Variants in PILRA observed in about 807,000 individuals in gnomAD.
PILRA encodes the protein paired immunoglobin like type 2 receptor alpha, also known as paired immunoglobulin-like type 2 receptor alpha.
In PILRA, 37 loss-of-function variants were observed where a neutral mutation model predicts 33.1. The observed-to-expected ratio is 1.12, with a 90% CI of 0.86 to 1.47. The LOEUF (loss-of-function observed/expected upper bound fraction) is 1.47, where lower values mean the gene tolerates loss of function less well. PILRA is among the 40% of genes most tolerant of loss of function. PILRA has a pLI of 0.00. For synonymous variants in PILRA, 146 were observed against 149.9 expected (o/e 0.97, Z 0.19); for missense variants, 312 against 376.2 (o/e 0.83, Z 1.41).
At chr7:100,394,703 AGACTT>A (rs2130233849) in intron 3 of PILRA, among the ~76,000 whole-genome samples, 1 of 152,292 alleles carries the variant, frequency 6.6e-6, no homozygotes, top group South Asian at 2.1e-4. Context: ...TATGGTCAAA[AGACTT>A]GACAAGGGTG....
Position 100,373,739 on chromosome 7 carries a change from C to G in PILRA, c.64+19C>G. The G allele has an allele frequency of 6.2e-7, 1 of 1,612,562 alleles. No individual in the cohort carries two copies. Among genetic ancestry groups the G allele is most frequent in the Non-Finnish European group, 8.5e-7 (1 of 1,179,868 alleles). ...CAGCCTAGTGAGTACCCAGGACCAC[C>G]CAGATGTGGGCTCTGCCCAAACCAC... On this transcript the variant is annotated intron_variant, in intron 1 of 6. Coordinates refer to ENST00000198536, the MANE Select transcript of PILRA (RefSeq NM_013439.3).
At chr7:100,379,930 G>T (rs1427858828) in intron 2 of PILRA, among the ~76,000 whole-genome samples, 1 of 152,126 alleles carries the variant, frequency 6.6e-6, no homozygotes. Context: ...CCAGATGAAT[G>T]GCAATTTATA....
At chr7:100,383,464 A>G (rs1563118476) in intron 2 of PILRA, among the ~76,000 whole-genome samples, 1 of 152,182 alleles carries the variant, frequency 6.6e-6, no homozygotes, top group Admixed American at 6.5e-5. Context: ...AGAATGTTCC[A>G]GTCACATGGG....
chr7:100,399,870 C>G lies in PILRA; in HGVS notation c.875C>G (p.Pro292Arg). 1 of 1,613,370 alleles carries G rather than the reference C, an allele frequency of 6.2e-7. No homozygotes were observed. Among genetic ancestry groups the G allele is most frequent in the Non-Finnish European group, 8.5e-7 (1 of 1,179,640 alleles). Reference protein sequence around the residue: ...APPSHRPLKSPQNETLYSVLK... With the variant: ...APPSHRPLKSRQNETLYSVLK... Reference sequence around the variant, plus strand: ...CCCAGCCACCGTCCCCTCAAGAGCCCCCAGAACGAGACCCTGTACTCTGTC... The same window carrying G: ...CCCAGCCACCGTCCCCTCAAGAGCCGCCAGAACGAGACCCTGTACTCTGTC... The change falls in exon 7 of 7, where the codon CCC (proline) becomes CGC (arginine). Residue 292 changes from proline to arginine, a missense_variant. Pro to Arg is a moderately radical substitution (Grantham distance 103). Transcript: ENST00000198536.
intron 2 of PILRA, among the ~76,000 whole-genome samples, chr7:100,375,206 A>G (rs976519322): frequency 6.6e-6 from 1 of 151,894 alleles, no homozygotes; most frequent in African/African-American, 2.4e-5. Context: ...GTCCTTCCCA[A>G]CACTAAGGGA....
chr7:100,396,429 G>C (rs898653541), intron 3 of PILRA, among the ~76,000 whole-genome samples: 1 of 152,182 alleles, frequency 6.6e-6, no homozygotes, highest in Non-Finnish European at 1.5e-5. Flanking sequence ...AAGGTGGGTG[G>C]ATCACCTGAG....
chr7:100,397,516 G>A (rs1791524508), intron 3 of PILRA, among the ~76,000 whole-genome samples: 1 of 151,958 alleles, frequency 6.6e-6, no homozygotes, highest in African/African-American at 2.4e-5. Flanking sequence ...AGGACCTGGA[G>A]GGAATGGGGG....
At chr7:100,381,378 C>T (rs970032525) in intron 2 of PILRA, among the ~76,000 whole-genome samples, 4 of 139,792 alleles carry the variant, frequency 2.9e-5, no homozygotes, top group African/African-American at 5.4e-5. Flanking sequence ...GCTGGGAGGT[C>T]AAGGCTGCAG....
In PILRA at chr7:100,389,916, C is replaced by T. The variant is rs752753988; in HGVS notation, c.483C>T (p.Ser161=). Residue 161 remains serine (S), a synonymous_variant, in exon 3 of 7, where the codon AGC becomes AGT. Transcript: ENST00000198536. ...QAVTTTTQRP[S]SMTTTWRLSS... ...TCACGACCACCACCCAGAGGCCCAG[C>T]AGCATGACTACCACCTGGAGGCTCA... The T allele has an allele frequency of 1.2e-6, 2 of 1,614,046 alleles. No individual in the cohort carries two copies. The highest frequency in any genetic ancestry group is 1.3e-5 in the African/African-American group (1 of 74,980).
intron 2 of PILRA, among the ~76,000 whole-genome samples, chr7:100,381,628 G>T (rs556741476): frequency 1.4e-4 from 21 of 152,336 alleles, no homozygotes; most frequent in African/African-American, 5.0e-4. Flanking sequence ...CACTCTGGCC[G>T]CACTTGAAGA....
intron 2 of PILRA, chr7:100,376,339 C>T (rs979519711): frequency 1.3e-5 from 2 of 151,978 alleles, no homozygotes; most frequent in African/African-American, 4.8e-5. Context: ...TTAATTCCTG[C>T]TTGCTTTTCT....
chr7:100,384,377 C>G (rs559180376), intron 2 of PILRA, among the ~76,000 whole-genome samples: 1 of 150,628 alleles, frequency 6.6e-6, no homozygotes, highest in East Asian at 2.0e-4. Flanking sequence ...AACTTGGAAC[C>G]CAGCCTGGGC....
intron 2 of PILRA, among the ~76,000 whole-genome samples, chr7:100,385,555 T>C (rs987703065): frequency 1.3e-5 from 2 of 152,206 alleles, no homozygotes; most frequent in Non-Finnish European, 2.9e-5. Context: ...GCTCTAGAAA[T>C]TGCTATTTTT....
chr7:100,388,921 G>A (rs1025314907), intron 2 of PILRA, among the ~76,000 whole-genome samples: 1 of 152,018 alleles, frequency 6.6e-6, no homozygotes, highest in Non-Finnish European at 1.5e-5. Context: ...CCATTGAGGT[G>A]GATTGTTAAG....
At chr7:100,394,863 A>G (rs1361818042) in intron 3 of PILRA, among the ~76,000 whole-genome samples, 2 of 152,280 alleles carry the variant, frequency 1.3e-5, no homozygotes, top group African/African-American at 4.8e-5. Context: ...CCTAAATGTA[A>G]GACCCCAAAC....
chr7:100,378,911 T>A lies in PILRA; in HGVS notation c.454+4478T>A, dbSNP rs1791014378. Among the ~76,000 whole-genome samples, 3 of 151,676 alleles carry A rather than the reference T, an allele frequency of 2.0e-5. No homozygotes were observed. In the South Asian group the frequency reaches 6.3e-4, roughly 32 times the overall value. Reference sequence around the variant, plus strand: ...ATCGAGACCATCCTGGCTAACATGGTGAAACCCCGTCTCTGCTCAAAGTAC... The same window carrying A: ...ATCGAGACCATCCTGGCTAACATGGAGAAACCCCGTCTCTGCTCAAAGTAC... On this transcript the variant is annotated intron_variant, in intron 2 of 6. Transcript: ENST00000198536.
chr7:100,373,995 T>C (rs112771208), intron 1 of PILRA, 49 bp from the exon 2 acceptor site: 271 of 1,581,800 alleles, frequency 1.7e-4, no homozygotes, highest in African/African-American at 4.2e-4. Flanking sequence ...TCTTTGTGTC[T>C]TGAGGTGGTT....
At chr7:100,383,068 G>T (rs186216716) in intron 2 of PILRA, among the ~76,000 whole-genome samples, 3 of 152,312 alleles carry the variant, frequency 2.0e-5, no homozygotes. Flanking sequence ...GTGGGACAGA[G>T]ATTGCTAAGG....
Position 100,396,357 on chromosome 7 carries a change from T to A in PILRA, c.674-1522T>A, listed in dbSNP as rs558342819. 7.9e-5 allele frequency among the ~76,000 whole-genome samples: 12 copies of A among 152,190 alleles called. No homozygotes were observed. The East Asian group carries it at 2.1e-3, about 27-fold the overall frequency. On this transcript the variant is annotated intron_variant, in intron 3 of 6. Coordinates refer to ENST00000198536, the MANE Select transcript of PILRA (RefSeq NM_013439.3). The stretch of plus-strand genomic sequence containing the variant: ...ATATAATGGAATATTATTCAGTGTT[T>A]AAAAGAAATTCTGGGCCAGGTGCAG...
Sources: gnomAD v4.1 joint callset for allele counts (sites outside exome capture counted in the v4.1 genomes callset) on GRCh38, gnomAD v4.1.1 for gene constraint, MANE v1.5 for transcripts, NCBI Gene and HGNC (gene_info 2026-07-23, HGNC 2026-07-21) for gene names.